DLG5: variants seen among roughly 807,000 people sequenced by gnomAD.
DLG5 encodes discs large MAGUK scaffold protein 5.
In DLG5, 48 loss-of-function variants were observed where a neutral mutation model predicts 189.8. The ratio of observed to expected loss-of-function variants is 0.25; its 90% confidence interval spans 0.20 to 0.32. The LOEUF (loss-of-function observed/expected upper bound fraction) is 0.32. Among genes scored for constraint, DLG5 ranks in the 10% least tolerant of loss-of-function variants. The pLI is 1.00. For missense variants in DLG5, 2,160 were observed against 2,544.7 expected, an observed-to-expected ratio of 0.85 and a Z score of 3.25; for synonymous variants, 1,016 against 1,054.1, an observed-to-expected ratio of 0.96 and a Z score of 0.70.
rs1182319323 is a variant in DLG5 at position 77,791,972 on chromosome 10, C to G, written c.*468G>C. On this transcript the variant is annotated 3_prime_UTR_variant, in exon 32 of 32. Transcript: ENST00000372391. ...GAACCTCCCAAAGCAAAGCAGCCCC[C>G]ATTGAGGTTCCAAGGTCGTTTTGCT... The G allele has an allele frequency of 6.0e-6, 1 of 167,014 alleles. No homozygotes were observed. Among genetic ancestry groups the G allele is most frequent in the African/African-American group, 2.4e-5 (1 of 41,680 alleles). 10.3% of individuals were successfully genotyped at this position (167,014 alleles called of 1,614,324 possible).
At chr10:77,893,352 C>A (rs1845665919) in intron 1 of DLG5, among the ~76,000 whole-genome samples, 2 of 152,224 alleles carry the variant, frequency 1.3e-5, no homozygotes, top group Non-Finnish European at 2.9e-5. Flanking sequence ...AGTAATGCTG[C>A]CACATTTTCC....
At position 77,926,620 on chromosome 10, in the gene DLG5, G is replaced by C. The variant is rs1184086483; in HGVS notation, c.-100C>G. 3.4e-5 allele frequency: 33 copies of C among 984,996 alleles called. 1 individual carries two copies. The allele number at this position is 984,996 out of a possible 1,614,324, so 61.0% of individuals were successfully genotyped here. On this transcript the variant is annotated 5_prime_UTR_variant, in exon 1 of 32. Coordinates refer to ENST00000372391, the MANE Select transcript of DLG5 (RefSeq NM_004747.4). This position sits in a 1 kb window ranked among gnomAD's most constrained non-coding sequence, Gnocchi z 5.2. ...ACCTCGGCAGCAGCCCTAGGGCGCC[G>C]GGAGCCGTGAGGCGGCGGGAGCCAT...
chr10:77,854,500 GTGTT>G, intron 3 of DLG5, 130 bp from the exon 4 acceptor site: 2 of 1,235,680 alleles, frequency 1.6e-6, no homozygotes, highest in Admixed American at 4.9e-5. Flanking sequence ...ACACACCTGG[GTGTT>G]TGTTAAACTC....
At chr10:77,843,339 T>G (rs1843518695) in intron 6 of DLG5, 108 bp downstream of exon 6, 1 of 1,396,098 alleles carries the variant, frequency 7.2e-7, no homozygotes, top group African/African-American at 1.4e-5. Context: ...GTCAGAAGCA[T>G]TTTTTGATTG....
chr10:77,934,327 C>T, the DLG5 span, among the ~76,000 whole-genome samples: 343 of 145,930 alleles, frequency 2.4e-3, 1 homozygote, highest in African/African-American at 8.5e-3. Flanking sequence ...GCCAAGATCA[C>T]GCCATTGTTC....
Position 77,817,095 on chromosome 10 carries a change from A to T in DLG5, c.3786T>A (p.Gly1262=). ...SNSLPSSARL[G]SSSNLQFKAE... is the part of the protein sequence containing the mutation. ...CCTTGAACTGCAAGTTACTCGAAGAACCTATTGTTCCATAAGGGAACAAAA... is the reference window on the plus strand; with the variant it reads ...CCTTGAACTGCAAGTTACTCGAAGATCCTATTGTTCCATAAGGGAACAAAA... Residue 1262 remains glycine, a splice_region_variant and synonymous_variant, in exon 19 of 32, where the codon GGT becomes GGA. Coordinates refer to ENST00000372391, the MANE Select transcript of DLG5 (RefSeq NM_004747.4). 5.0e-6 allele frequency: 8 copies of T among 1,614,150 alleles called. No homozygotes were observed. The highest frequency in any genetic ancestry group is 6.8e-6 in the Non-Finnish European group (8 of 1,180,014).
rs762340038 is a variant in DLG5 at position 77,835,948 on chromosome 10, G to C, written c.1438-26C>G. 6 of 1,594,424 alleles carry C rather than the reference G, an allele frequency of 3.8e-6. No homozygotes were observed. The Admixed American group carries it at 1.0e-4, about 27-fold the overall frequency. On this transcript the variant is annotated intron_variant, in intron 7 of 31. Coordinates refer to ENST00000372391, the MANE Select transcript of DLG5 (RefSeq NM_004747.4). ...CTGGTGGGAGCAAGGGGCAGGAAGA[G>C]GGAGAGGTTGCTGAGCCTCATGGAC...
At chr10:77,799,356 G>T (rs2812421) in intron 27 of DLG5, among the ~76,000 whole-genome samples, 76 of 152,174 alleles carry the variant, frequency 5.0e-4, no homozygotes, top group South Asian at 1.0e-3. Context: ...TCTTCAGGAG[G>T]TAAGTTAAAT....
At chr10:77,810,972 A>G in intron 23 of DLG5, 122 bp downstream of exon 23, 14 of 1,242,074 alleles carry the variant, frequency 1.1e-5, no homozygotes, top group Non-Finnish European at 1.5e-5. Context: ...ACTCCTGAAG[A>G]CCTGGTGTGC....
At position 77,874,353 on chromosome 10, in the gene DLG5, T is replaced by C. The variant is rs369015839; in HGVS notation, c.305-5156A>G. ...CATACTTATCAGTAAAATGGGATGA[T>C]AGAAGTGCTTATCTCTTAGAGCTGT... On this transcript the variant is annotated intron_variant, in intron 1 of 31. Transcript: ENST00000372391. Among the ~76,000 whole-genome samples the C allele has an allele frequency of 1.2e-4, 18 of 152,362 alleles. No individual in the cohort carries two copies. The East Asian group carries it at 1.9e-3, about 16-fold the overall frequency.
At chr10:77,794,184 C>CA in intron 30 of DLG5, 67 bp from the exon 31 acceptor site, 1 of 1,465,276 alleles carries the variant, frequency 6.8e-7, no homozygotes, top group Non-Finnish European at 9.5e-7. Context: ...CTTCCTCTGT[C>CA]CAGGCTAACA....
At chr10:77,925,022 T>G (rs1846645058) in intron 1 of DLG5, among the ~76,000 whole-genome samples, 1 of 152,162 alleles carries the variant, frequency 6.6e-6, no homozygotes, top group Non-Finnish European at 1.5e-5. Flanking sequence ...CCCTCTCGGT[T>G]CACTTGTTTT....
chr10:77,875,635 A>G (rs1218764751), intron 1 of DLG5, among the ~76,000 whole-genome samples: 1 of 152,170 alleles, frequency 6.6e-6, no homozygotes, highest in African/African-American at 2.4e-5. Flanking sequence ...TGCAGAGATG[A>G]GGAAGGAGGT....
chr10:77,894,822 G>A (rs1379793904), intron 1 of DLG5, among the ~76,000 whole-genome samples: 1 of 151,932 alleles, frequency 6.6e-6, no homozygotes, highest in Non-Finnish European at 1.5e-5. Context: ...CTTCCTCCTG[G>A]GGAACAAGGC....
chr10:77,918,489 A>T (rs1846436887), intron 1 of DLG5, among the ~76,000 whole-genome samples: 1 of 152,186 alleles, frequency 6.6e-6, no homozygotes. Context: ...CCTCAAAGCA[A>T]ATGGGTTATG....
chr10:77,816,220 T>C (rs1337923597), intron 20 of DLG5: 5 of 591,552 alleles, frequency 8.5e-6, no homozygotes, highest in Non-Finnish European at 1.6e-5. Flanking sequence ...GCAGGGTCCC[T>C]GTAAGGATCT....
At chr10:77,934,371 C>CAAAAAAAA in the DLG5 span, among the ~76,000 whole-genome samples, 4 of 96,252 alleles carry the variant, frequency 4.2e-5, no homozygotes, top group East Asian at 2.8e-4. Context: ...AACTCCATCT[C>CAAAAAAAA]AAAAAAAAAA....
intron 20 of DLG5, among the ~76,000 whole-genome samples, chr10:77,815,129 TG>T (rs941159130): frequency 6.6e-6 from 1 of 152,070 alleles, no homozygotes; most frequent in Non-Finnish European, 1.5e-5. Context: ...TTTCCACAAC[TG>T]AAGAACCCAC....
chr10:77,797,684 A>G (rs928568610), intron 27 of DLG5, among the ~76,000 whole-genome samples: 25 of 152,150 alleles, frequency 1.6e-4, no homozygotes, highest in African/African-American at 6.0e-4. Flanking sequence ...GGTCCATGAG[A>G]GGCTTGGCCT....
Sources: gnomAD v4.1 joint callset for allele counts (sites outside exome capture counted in the v4.1 genomes callset) on GRCh38, gnomAD v4.1.1 for gene constraint, Gnocchi (gnomAD v3.1) non-coding constraint, MANE v1.5 for transcripts, NCBI Gene and HGNC (gene_info 2026-07-23, HGNC 2026-07-21) for gene names.